Variants in ANK3 observed in about 807,000 individuals in gnomAD.
ANK3 encodes ankyrin-3.
Under a neutral mutation model 370.9 loss-of-function variants are expected in ANK3, and 57 were observed. That is an observed-to-expected ratio of 0.15 (90% confidence interval 0.12 to 0.19). ANK3 has a LOEUF of 0.19. Ranked by LOEUF, ANK3 falls within the 10% of genes least tolerant of loss-of-function variation. The probability of loss-of-function intolerance (pLI) is 1.00; values close to 1 mark genes in which losing one functional copy is unlikely to be tolerated. For missense variants in ANK3, 4,439 were observed against 5,302.1 expected (o/e 0.84, Z 5.06); for synonymous variants, 1,929 against 1,946.3 (o/e 0.99, Z 0.23).
chr10:60,281,951 C>T (rs771415877), intron 1 of ANK3, among the ~76,000 whole-genome samples: 2 of 152,052 alleles, frequency 1.3e-5, no homozygotes, highest in Non-Finnish European at 2.9e-5. Flanking sequence ...ATAAAAGTTT[C>T]CAGGGATTTA....
chr10:60,634,699 T>C (rs2078529178), intron 1 of ANK3, among the ~76,000 whole-genome samples: 1 of 152,050 alleles, frequency 6.6e-6, no homozygotes. Context: ...TTGCTGTTGC[T>C]CACTCTTTGG....
chr10:60,555,531 T>C (rs745684451), intron 2 of ANK3, among the ~76,000 whole-genome samples: 19 of 151,590 alleles, frequency 1.3e-4, no homozygotes, highest in Non-Finnish European at 2.7e-4. Context: ...TAAATAAATA[T>C]AAGGCAAGAA....
At chr10:60,430,798 G>C (rs10994345) in intron 2 of ANK3, among the ~76,000 whole-genome samples, 56,755 of 151,770 alleles carry the variant, frequency 0.37, 10,898 homozygotes, top group South Asian at 0.44. Flanking sequence ...ACAAATAGGT[G>C]TGAAATAAAA....
intron 38 of ANK3, among the ~76,000 whole-genome samples, chr10:60,067,515 G>A (rs2081895203): frequency 6.6e-6 from 1 of 152,130 alleles, no homozygotes; most frequent in East Asian, 1.9e-4. Context: ...GCCTAGGCGT[G>A]GGTTAATTGA....
chr10:60,412,133 C>A (rs1188925884), intron 2 of ANK3, among the ~76,000 whole-genome samples: 1 of 152,156 alleles, frequency 6.6e-6, no homozygotes, highest in East Asian at 1.9e-4. Context: ...ACCAGGTAGA[C>A]AAACTATGTG....
intron 25 of ANK3, among the ~76,000 whole-genome samples, chr10:60,116,861 G>A (rs893310458): frequency 3.3e-5 from 5 of 152,124 alleles, no homozygotes; most frequent in East Asian, 1.9e-4. Flanking sequence ...GGTTGCCAGC[G>A]TAAAATGACC....
rs573853301 is a variant in ANK3, at chr10:60,717,839, T to C, written c.57+15424A>G. 5.9e-5 allele frequency among the ~76,000 whole-genome samples: 9 copies of C among 152,320 alleles called. No homozygotes were observed. In the South Asian group the frequency reaches 1.7e-3, roughly 28 times the overall value. ...TGCATCATTTAAAGAAAAATTTCAG[T>C]CAAATTAAATTTAGTAGAGTTTATT... is the stretch of plus-strand genomic sequence containing the variant. On this transcript the variant is annotated intron_variant, in intron 1 of 43. Coordinates refer to the ANK3 transcript ENST00000373827.
rs2082662212 is a variant in ANK3 at position 60,071,403 on chromosome 10, C to T, written c.9478G>A (p.Asp3160Asn). The change falls in exon 37 of 44, where the codon GAC becomes AAC. Residue 3160 changes from aspartate to asparagine, a missense_variant. Physicochemically the swap from Asp to Asn is conservative, Grantham distance 23. Coordinates refer to ENST00000280772, the MANE Select transcript of ANK3 (RefSeq NM_020987.5). ...GTTAAAGGGCTTTTCCCAGAGCTGT[C>T]TAGAAAGGATACTTGCTCTAGAGTA... ...DDTLEQVSFL[D>N]SSGKSPLTPE... 6.2e-7 allele frequency: 1 copy of T among 1,614,100 alleles called. No individual in the cohort carries two copies.
chr10:60,462,904 TTTA>T (rs199943960), intron 2 of ANK3, among the ~76,000 whole-genome samples: 1 of 150,924 alleles, frequency 6.6e-6, no homozygotes, highest in East Asian at 1.9e-4. Context: ...TAAAGTTTTA[TTTA>T]TTTTTTTATT....
chr10:60,431,926 T>A (rs867449047), intron 2 of ANK3, among the ~76,000 whole-genome samples: 3 of 152,224 alleles, frequency 2.0e-5, no homozygotes, highest in South Asian at 2.1e-4. Context: ...TCTGTTAGCC[T>A]GTTTTCCATG....
intron 1 of ANK3, among the ~76,000 whole-genome samples, chr10:60,681,205 C>T (rs1445390036): frequency 2.0e-5 from 3 of 152,170 alleles, no homozygotes; most frequent in Non-Finnish European, 4.4e-5. Context: ...GTTTCCAAAT[C>T]TTGACCTCCT....
chr10:60,426,869 A>T (rs918200295), intron 2 of ANK3, among the ~76,000 whole-genome samples: 1 of 152,144 alleles, frequency 6.6e-6, no homozygotes, highest in African/African-American at 2.4e-5. Context: ...AACTGTAGGC[A>T]TTGTATAGGC....
chr10:60,631,118 G>A (rs567781189), intron 1 of ANK3, among the ~76,000 whole-genome samples: 154 of 152,260 alleles, frequency 1.0e-3, no homozygotes, highest in African/African-American at 3.2e-3. Context: ...TTATGAAGAG[G>A]TGAACAGGTT....
intron 18 of ANK3, among the ~76,000 whole-genome samples, chr10:60,175,046 T>C (rs1244559035): frequency 6.6e-6 from 1 of 152,126 alleles, no homozygotes; most frequent in South Asian, 2.1e-4. Context: ...CAGGTTCTAT[T>C]CATCCTCATA....
At chr10:60,480,319 G>A (rs368954109) in intron 2 of ANK3, among the ~76,000 whole-genome samples, 26 of 152,226 alleles carry the variant, frequency 1.7e-4, no homozygotes, top group Middle Eastern at 3.4e-3. Flanking sequence ...AAAGCCATGG[G>A]CACAGACGAA....
chr10:60,335,627 C>T (rs1438933261), intron 1 of ANK3, among the ~76,000 whole-genome samples: 2 of 152,108 alleles, frequency 1.3e-5, no homozygotes, highest in African/African-American at 4.8e-5. Context: ...GGATTTTGAG[C>T]AACTACAGAT....
chr10:60,347,923 C>T (rs1037332054), intron 1 of ANK3, among the ~76,000 whole-genome samples: 1 of 152,034 alleles, frequency 6.6e-6, no homozygotes, highest in South Asian at 2.1e-4. Flanking sequence ...GTATTTGGAC[C>T]GCAGCTTTAC....
intron 2 of ANK3, among the ~76,000 whole-genome samples, chr10:60,600,736 T>G (rs564154879): frequency 6.6e-6 from 1 of 152,170 alleles, no homozygotes; most frequent in Non-Finnish European, 1.5e-5. Flanking sequence ...CAAGGTTATA[T>G]GTAACATTTG....
At chr10:60,351,148 A>T (rs1442951751) in intron 1 of ANK3, among the ~76,000 whole-genome samples, 2 of 152,210 alleles carry the variant, frequency 1.3e-5, no homozygotes, top group Non-Finnish European at 2.9e-5. Flanking sequence ...GACCACAAAC[A>T]TTTAAATAGA....
Sources: allele counts gnomAD v4.1 joint callset (sites outside exome capture counted in the v4.1 genomes callset), GRCh38; gene constraint gnomAD v4.1.1; transcripts MANE v1.5; gene names NCBI Gene and HGNC (gene_info 2026-07-23, HGNC 2026-07-21).